ARIH2: variants seen among roughly 807,000 people sequenced by gnomAD.
The protein encoded by ARIH2 is E3 ubiquitin-protein ligase ARIH2.
In ARIH2, 12 loss-of-function variants were observed where a neutral mutation model predicts 79.8. That is an observed-to-expected ratio of 0.15 (90% CI 0.10 to 0.24). ARIH2 has a LOEUF of 0.24. Among genes scored for constraint, ARIH2 ranks in the 10% least tolerant of loss-of-function variants. The pLI is 1.00. For synonymous variants in ARIH2, 224 were observed against 213.9 expected (o/e 1.05, Z -0.41); for missense variants, 301 against 618.3 (o/e 0.49, Z 5.44).
chr3:48,972,541 G>T (rs2092294430), intron 8 of ARIH2, among the ~76,000 whole-genome samples: 1 of 152,138 alleles, frequency 6.6e-6, no homozygotes, highest in Non-Finnish European at 1.5e-5. Flanking sequence ...CTAGTCAGGA[G>T]GCTGAGGCAG....
chr3:48,919,548 C>T (rs1344474882), intron 1 of ARIH2, among the ~76,000 whole-genome samples: 1 of 152,242 alleles, frequency 6.6e-6, no homozygotes, highest in African/African-American at 2.4e-5. Flanking sequence ...TGCCTGGTCC[C>T]ATAGAACTTT....
intron 9 of ARIH2, 144 bp from the exon 10 acceptor site, chr3:48,974,673 A>G: frequency 1.3e-6 from 1 of 780,716 alleles, no homozygotes; most frequent in Non-Finnish European, 2.2e-6. Flanking sequence ...AGCCTCAGCG[A>G]CCTGCCACAT....
chr3:48,946,591 T>C (rs1303430759), intron 3 of ARIH2, among the ~76,000 whole-genome samples: 1 of 152,068 alleles, frequency 6.6e-6, no homozygotes, highest in East Asian at 2.0e-4. Flanking sequence ...GGAAACCATC[T>C]GAGAGTATTG....
At chr3:48,933,433 G>A (rs2107056034) in intron 3 of ARIH2, among the ~76,000 whole-genome samples, 1 of 152,082 alleles carries the variant, frequency 6.6e-6, no homozygotes, top group East Asian at 1.9e-4. Flanking sequence ...AAAGTGCTGG[G>A]GTTACAGGCG....
At chr3:48,956,301 G>A (rs1559794875) in intron 3 of ARIH2, among the ~76,000 whole-genome samples, 2 of 151,712 alleles carry the variant, frequency 1.3e-5, no homozygotes, top group South Asian at 2.1e-4. Flanking sequence ...ACAACACCCA[G>A]CTAATTTTTA....
intron 3 of ARIH2, among the ~76,000 whole-genome samples, chr3:48,940,743 TGA>T (rs1447490806): frequency 3.0e-5 from 4 of 135,160 alleles, no homozygotes; most frequent in Non-Finnish European, 6.1e-5. Context: ...TCCAGTGAGC[TGA>T]GATTGCACCA....
rs2092863086 is a variant in ARIH2, at chr3:48,984,858, T to C, written c.*1588T>C. ...CAGAGGATAGCTGTGACTCATGGGA[T>C]CATGAGGTCCATGGCTGGTTGCAGG... On this transcript the variant is annotated 3_prime_UTR_variant, in exon 16 of 16. Coordinates refer to ENST00000356401, the MANE Select transcript of ARIH2 (RefSeq NM_006321.4). The C allele has an allele frequency of 6.6e-6, 1 of 152,240 alleles. No individual in the cohort carries two copies. Among genetic ancestry groups the C allele is most frequent in the Non-Finnish European group, 1.5e-5 (1 of 68,050 alleles). The allele number at this position is 152,240 out of a possible 1,614,324, so 9.4% of individuals were successfully genotyped here. A position where few individuals can be genotyped will look rare whatever the true frequency, so the allele number is the denominator to read the frequency against.
At chr3:48,945,075 C>A in intron 3 of ARIH2, 1 of 1,258,468 alleles carries the variant, frequency 7.9e-7, no homozygotes, top group Non-Finnish European at 1.0e-6. Context: ...TAAAAGATTT[C>A]AGGCAGTTGG....
intron 8 of ARIH2, among the ~76,000 whole-genome samples, chr3:48,972,185 T>A (rs773761443): frequency 3.5e-4 from 53 of 152,200 alleles, no homozygotes; most frequent in Non-Finnish European, 6.5e-4. Flanking sequence ...GTGTTTGACA[T>A]CTTGGGAGTT....
chr3:48,934,432 G>A, intron 3 of ARIH2: 2 of 985,034 alleles, frequency 2.0e-6, no homozygotes, highest in Non-Finnish European at 2.4e-6. Context: ...GTTTGTTGTT[G>A]TTGTTGTTAT....
intron 3 of ARIH2, among the ~76,000 whole-genome samples, chr3:48,957,634 C>CA (rs1445566324): frequency 6.6e-6 from 1 of 152,166 alleles, no homozygotes; most frequent in Admixed American, 6.5e-5. Flanking sequence ...GATTGGGCCC[C>CA]ACTGGGTATG....
At chr3:48,941,768 A>G (rs1233800473) in intron 3 of ARIH2, among the ~76,000 whole-genome samples, 1 of 146,604 alleles carries the variant, frequency 6.8e-6, no homozygotes, top group African/African-American at 2.5e-5. Context: ...AATTTTTTGT[A>G]TTTTTAGTAG....
chr3:48,984,385 G>A lies in ARIH2; in HGVS notation c.*1115G>A, dbSNP rs576331251. ...GAGAGTGTCCAGAGGCTGCTCTGAG[G>A]CTGAGGTGTGTTCCCCCTTGCCTGG... is the stretch of plus-strand genomic sequence containing the variant. On this transcript the variant is annotated 3_prime_UTR_variant, in exon 16 of 16. Transcript: ENST00000356401. 2 of 152,762 alleles carry A rather than the reference G, an allele frequency of 1.3e-5. No homozygotes were observed. The highest frequency in any genetic ancestry group is 6.5e-5 in the Admixed American group (1 of 15,300). 9.5% of individuals were successfully genotyped at this position (152,762 alleles called of 1,614,324 possible). A position where few individuals can be genotyped will look rare whatever the true frequency, so the allele number is the denominator to read the frequency against.
At chr3:48,933,333 G>GTA (rs1355862612) in intron 3 of ARIH2, among the ~76,000 whole-genome samples, 1 of 151,534 alleles carries the variant, frequency 6.6e-6, no homozygotes, top group African/African-American at 2.4e-5. Context: ...GTGTGTGTGT[G>GTA]TGTGTTTTTG....
At chr3:48,947,016 A>G (rs1331774646) in intron 3 of ARIH2, among the ~76,000 whole-genome samples, 5 of 152,204 alleles carry the variant, frequency 3.3e-5, no homozygotes, top group Non-Finnish European at 1.5e-5. Flanking sequence ...TGATTGCCCA[A>G]AGACAGTCCA....
rs2092048341 is a variant in ARIH2, at chr3:48,969,586, C to G, written c.660+931C>G. On this transcript the variant is annotated intron_variant, in intron 7 of 15. Transcript: ENST00000356401. ...ACTGCAGCCTCTGACCTCCCAGGCT[C>G]AAGCAATCCTCCCACCTTAGCCTCC... Among the ~76,000 whole-genome samples the G allele has an allele frequency of 2.0e-5, 3 of 151,264 alleles. No individual in the cohort carries two copies. The South Asian group carries it at 6.3e-4, about 32-fold the overall frequency.
chr3:48,983,091 G>A (rs1238596271), intron 15 of ARIH2, 108 bp from the exon 16 acceptor site: 8 of 1,504,492 alleles, frequency 5.3e-6, no homozygotes, highest in Non-Finnish European at 6.5e-6. Flanking sequence ...GAATGGGAAG[G>A]GCAGTGTTTT....
chr3:48,982,747 A>T (rs2092795272), intron 14 of ARIH2, 149 bp from the exon 15 acceptor site: 1 of 628,994 alleles, frequency 1.6e-6, no homozygotes, highest in Non-Finnish European at 2.8e-6. Flanking sequence ...GGCTCTGGGC[A>T]CAGGGAATAA....
intron 3 of ARIH2, among the ~76,000 whole-genome samples, chr3:48,947,482 G>A (rs1378067774): frequency 2.0e-5 from 3 of 149,670 alleles, no homozygotes; most frequent in African/African-American, 7.4e-5. Context: ...AGAGAATATT[G>A]TAAAGTTATC....
Sources: allele counts gnomAD v4.1 joint callset (sites outside exome capture counted in the v4.1 genomes callset), GRCh38; gene constraint gnomAD v4.1.1; transcripts MANE v1.5; gene names NCBI Gene and HGNC (gene_info 2026-07-23, HGNC 2026-07-21).